GPR149: variants seen among roughly 807,000 people sequenced by gnomAD.
GPR149 encodes the protein G protein-coupled receptor 149.
A neutral mutation model predicts 50.2 loss-of-function variants in GPR149; 50 were observed. The ratio of observed to expected loss-of-function variants is 1.00; its 90% confidence interval spans 0.79 to 1.26. The LOEUF is 1.26. Among genes scored for constraint, GPR149 ranks in the 50% most tolerant of loss-of-function variants. GPR149 has a pLI of 0.00. For synonymous variants in GPR149, 405 were observed against 358.2 expected (o/e 1.13, Z -1.48); for missense variants, 983 against 895.4 (o/e 1.10, Z -1.25).
chr3:154,353,927 T>C (rs918077751), intron 3 of GPR149: 6 of 519,334 alleles, frequency 1.2e-5, no homozygotes, highest in African/African-American at 9.7e-5. Context: ...GAAAGCTCTT[T>C]CTTTCTGTTC....
Position 154,428,947 on chromosome 3 carries a change from C to T in GPR149, c.669G>A (p.Pro223=), listed in dbSNP as rs1712397228. The stretch of plus-strand genomic sequence containing the variant: ...TTTCCTGGTAGTTGGAGTGGAGTCT[C>T]GGCGGCTCCTCCGAACACAGCAATC... ...THRLLCSEEP[P]RLHSNYQEIS... is the part of the protein sequence containing the mutation. Residue 223 remains proline (P), a synonymous_variant, in exon 1 of 4, where the codon CCG becomes CCA. Transcript: ENST00000389740. 6.2e-7 allele frequency: 1 copy of T among 1,613,756 alleles called. No homozygotes were observed. The highest frequency in any genetic ancestry group is 8.5e-7 in the Non-Finnish European group (1 of 1,179,940).
intron 3 of GPR149, among the ~76,000 whole-genome samples, chr3:154,384,181 G>T (rs990441604): frequency 1.3e-5 from 2 of 152,082 alleles, no homozygotes; most frequent in Admixed American, 6.6e-5. Context: ...AAACTGTGAA[G>T]ATTAAAAAGC....
intron 3 of GPR149, among the ~76,000 whole-genome samples, chr3:154,383,143 T>C (rs1201305592): frequency 6.6e-6 from 1 of 152,192 alleles, no homozygotes; most frequent in Non-Finnish European, 1.5e-5. Context: ...TACTTATTTA[T>C]ATCCTGCTAA....
At chr3:154,353,376 G>A in intron 3 of GPR149, 1 of 1,376,808 alleles carries the variant, frequency 7.3e-7, no homozygotes, top group Non-Finnish European at 1.0e-6. Flanking sequence ...TAAAGTCTGA[G>A]GATGGTCTTC....
At chr3:154,353,076 C>G in intron 3 of GPR149, 2 of 1,422,254 alleles carry the variant, frequency 1.4e-6, no homozygotes, top group Non-Finnish European at 9.9e-7. Flanking sequence ...TGCAATATCC[C>G]CATGTAAACA....
chr3:154,386,562 A>C (rs1390166141), intron 3 of GPR149, among the ~76,000 whole-genome samples: 1 of 152,232 alleles, frequency 6.6e-6, no homozygotes, highest in Non-Finnish European at 1.5e-5. Flanking sequence ...ACTGCACAGG[A>C]AGCCCTTTGT....
intron 3 of GPR149, among the ~76,000 whole-genome samples, chr3:154,355,049 T>C (rs1434628648): frequency 2.0e-5 from 3 of 152,066 alleles, no homozygotes; most frequent in Non-Finnish European, 4.4e-5. Flanking sequence ...TTATTTAGAG[T>C]TGGAGTCTTA....
chr3:154,363,857 C>T (rs1187839522), intron 3 of GPR149, among the ~76,000 whole-genome samples: 1 of 152,118 alleles, frequency 6.6e-6, no homozygotes, highest in Admixed American at 6.5e-5. Flanking sequence ...CTTTTGGGTC[C>T]CCCTCCCACT....
intron 3 of GPR149, chr3:154,353,174 C>A (rs770531494): frequency 2.6e-6 from 4 of 1,531,330 alleles, no homozygotes; most frequent in Non-Finnish European, 3.6e-6. Context: ...TCCCTTCAGA[C>A]CCACTGTAGA....
chr3:154,380,826 T>C (rs942617769), intron 3 of GPR149, among the ~76,000 whole-genome samples: 12 of 152,202 alleles, frequency 7.9e-5, no homozygotes, highest in African/African-American at 2.7e-4. Flanking sequence ...ATGTCAGATA[T>C]GGGGTTTTAA....
intron 3 of GPR149, chr3:154,352,536 C>A: frequency 1.3e-6 from 1 of 774,646 alleles, no homozygotes; most frequent in South Asian, 1.3e-5. Context: ...AAGTTCTTTC[C>A]AGGCACAGGT....
intron 3 of GPR149, among the ~76,000 whole-genome samples, chr3:154,367,208 A>C (rs1359604140): frequency 6.6e-6 from 1 of 152,152 alleles, no homozygotes; most frequent in African/African-American, 2.4e-5. Flanking sequence ...TGGATGAATA[A>C]TATTGAAGAT....
intron 3 of GPR149, among the ~76,000 whole-genome samples, chr3:154,360,467 GA>G (rs1449214447): frequency 6.6e-6 from 1 of 152,198 alleles, no homozygotes; most frequent in East Asian, 1.9e-4. Flanking sequence ...TGTCCTTGAT[GA>G]AGGTGTGTAT....
At chr3:154,383,983 T>C (rs945789030) in intron 3 of GPR149, among the ~76,000 whole-genome samples, 2 of 152,082 alleles carry the variant, frequency 1.3e-5, no homozygotes, top group Admixed American at 6.6e-5. Context: ...CCTCCAGAAC[T>C]GTGAGAAATA....
chr3:154,337,773 C>T lies in GPR149; in HGVS notation c.2122G>A (p.Asp708Asn). Residue 708 changes from aspartate (D) to asparagine (N), a missense_variant, in exon 4 of 4, where the codon GAT (aspartate) becomes AAT (asparagine). By Grantham distance (23) the Asp-to-Asn change is conservative. Coordinates refer to ENST00000389740, the MANE Select transcript of GPR149 (RefSeq NM_001038705.3). ...QNSKRQHQERDGYQEEIQLLN... is the reference protein window; with the variant it reads ...QNSKRQHQERNGYQEEIQLLN... Reference sequence around the variant, plus strand: ...AACTGGATTTCCTCCTGGTAGCCATCCCTCTCTTGATGCTGCCTTTTACTG... The same window carrying T: ...AACTGGATTTCCTCCTGGTAGCCATTCCTCTCTTGATGCTGCCTTTTACTG... The T allele has an allele frequency of 1.2e-6, 2 of 1,613,426 alleles. No homozygotes were observed. Among genetic ancestry groups the T allele is most frequent in the Non-Finnish European group, 1.7e-6 (2 of 1,179,754 alleles).
chr3:154,375,319 GT>G (rs1359267385), intron 3 of GPR149, among the ~76,000 whole-genome samples: 7 of 152,054 alleles, frequency 4.6e-5, no homozygotes, highest in South Asian at 2.1e-4. Flanking sequence ...TTTTAAGAGA[GT>G]TTTTTTCCTC....
intron 3 of GPR149, among the ~76,000 whole-genome samples, chr3:154,391,442 A>G (rs547056852): frequency 6.6e-6 from 1 of 151,910 alleles, no homozygotes; most frequent in African/African-American, 2.4e-5. Flanking sequence ...AAGAAAGTAC[A>G]TACAGAAGAG....
chr3:154,352,233 C>T (rs186980319), intron 3 of GPR149: 2 of 876,198 alleles, frequency 2.3e-6, no homozygotes, highest in East Asian at 5.0e-5. Context: ...ACTCCCTTGT[C>T]GACTCTGTCT....
chr3:154,390,322 G>A (rs1415744431), intron 3 of GPR149, among the ~76,000 whole-genome samples: 1 of 152,086 alleles, frequency 6.6e-6, no homozygotes, highest in African/African-American at 2.4e-5. Context: ...TGCTCAGTGA[G>A]TTCAGGAGAA....
Sources: allele counts gnomAD v4.1 joint callset (sites outside exome capture counted in the v4.1 genomes callset), GRCh38; gene constraint gnomAD v4.1.1; transcripts MANE v1.5; gene names NCBI Gene and HGNC (gene_info 2026-07-23, HGNC 2026-07-21).